Variants in CLASP1 observed in about 807,000 individuals in gnomAD.
CLASP1 encodes the protein cytoplasmic linker associated protein 1, also known as CLIP-associating protein 1.
Under a neutral mutation model 192.3 loss-of-function variants are expected in CLASP1, and 38 were observed. The ratio of observed to expected loss-of-function variants is 0.20; its 90% CI spans 0.15 to 0.26. The LOEUF (loss-of-function observed/expected upper bound fraction) is 0.26, where lower values mean the gene tolerates loss of function less well. Among genes scored for constraint, CLASP1 ranks in the 10% least tolerant of loss-of-function variants. CLASP1 has a pLI of 1.00. For synonymous variants in CLASP1, 691 were observed against 712.8 expected (o/e 0.97, Z 0.49); for missense variants, 1,433 against 1,932.5 (o/e 0.74, Z 4.85).
intron 2 of CLASP1, among the ~76,000 whole-genome samples, chr2:121,536,377 T>TA (rs1559552495): frequency 1.3e-4 from 8 of 62,072 alleles, no homozygotes; most frequent in African/African-American, 9.4e-4. Flanking sequence ...CAAGACTGTC[T>TA]GAAAAAAAAA....
Position 121,504,310 on chromosome 2 carries a change from T to C in CLASP1, c.645-1076A>G, listed in dbSNP as rs549125094. On this transcript the variant is annotated intron_variant, in intron 7 of 39. Coordinates refer to ENST00000263710, the Ensembl canonical transcript of CLASP1. ...AGTGTTGAGATTCCAAAGCAATGTA[T>C]CTGTGCATTCAATTTTAGGGACATT... Among the ~76,000 whole-genome samples, 8 of 152,268 alleles carry C rather than the reference T, an allele frequency of 5.3e-5. No homozygotes were observed. In the East Asian group the frequency reaches 1.2e-3, roughly 22 times the overall value.
chr2:121,447,655 C>T, intron 18 of CLASP1, 148 bp from the exon 19 acceptor site: 1 of 695,690 alleles, frequency 1.4e-6, no homozygotes, highest in Non-Finnish European at 2.4e-6. Flanking sequence ...ACAGTTTCTC[C>T]TGGTCCCTGA....
At position 121,465,685 on chromosome 2, in the gene CLASP1, G is replaced by A. The variant is rs1194248993; in HGVS notation, c.866-3080C>T. Among the ~76,000 whole-genome samples the A allele has an allele frequency of 2.0e-5, 3 of 152,064 alleles. No homozygotes were observed. The East Asian group carries it at 5.8e-4, about 29-fold the overall frequency. ...GAAAAAACTACTTTAAAGTTCATAT[G>A]GAACCACAAAAGAGCCCGCATCGCC... On this transcript the variant is annotated intron_variant, in intron 9 of 39. Coordinates refer to ENST00000263710, the Ensembl canonical transcript of CLASP1.
chr2:121,490,207 T>G, intron 8 of CLASP1: 3 of 410,720 alleles, frequency 7.3e-6, no homozygotes, highest in Non-Finnish European at 1.4e-5. Context: ...TATAAAATAT[T>G]TAAGCATTTC....
chr2:121,384,148 A>C (rs889854671), intron 32 of CLASP1, among the ~76,000 whole-genome samples: 1 of 141,016 alleles, frequency 7.1e-6, no homozygotes, highest in Non-Finnish European at 1.5e-5. Flanking sequence ...ATATATATAC[A>C]CACACACACA....
intron 2 of CLASP1, chr2:121,530,785 C>T (rs2094768437): frequency 1.7e-6 from 1 of 586,086 alleles, no homozygotes; most frequent in African/African-American, 1.8e-5. Flanking sequence ...GGTAAGCTAG[C>T]TACCAGACCG....
chr2:121,645,224 A>G (rs555483491), intron 1 of CLASP1, among the ~76,000 whole-genome samples: 1 of 152,224 alleles, frequency 6.6e-6, no homozygotes, highest in Admixed American at 6.5e-5. Flanking sequence ...TAGAAGTGTG[A>G]TATCTGTCAT....
At chr2:121,343,521 G>A (rs2149091366) in intron 39 of CLASP1, among the ~76,000 whole-genome samples, 1 of 152,312 alleles carries the variant, frequency 6.6e-6, no homozygotes, top group East Asian at 1.9e-4. Flanking sequence ...GCTGCAACAT[G>A]GATAAGCCCT....
intron 1 of CLASP1, among the ~76,000 whole-genome samples, chr2:121,647,832 T>C (rs866818456): frequency 5.3e-5 from 8 of 152,224 alleles, no homozygotes; most frequent in Admixed American, 4.6e-4. Flanking sequence ...GTCCTGACTT[T>C]GGTTAACCTT....
chr2:121,349,216 G>C lies in CLASP1; in HGVS notation c.4207-498C>G, dbSNP rs1298075412. Among the ~76,000 whole-genome samples the C allele has an allele frequency of 2.0e-5, 3 of 151,920 alleles. No individual in the cohort carries two copies. The East Asian group carries it at 5.8e-4, about 29-fold the overall frequency. The stretch of plus-strand genomic sequence containing the variant: ...GATCGCGCCACCGCACTCCAGCCTG[G>C]GTGACAGTGCAAGACTCTGTCTCAA... On this transcript the variant is annotated intron_variant, in intron 37 of 39. Coordinates refer to ENST00000263710, the Ensembl canonical transcript of CLASP1.
intron 7 of CLASP1, among the ~76,000 whole-genome samples, chr2:121,514,565 G>A (rs901147860): frequency 6.6e-6 from 1 of 151,700 alleles, no homozygotes; most frequent in Non-Finnish European, 1.5e-5. Flanking sequence ...TAAAGAACAT[G>A]AAAAGTAGTT....
Position 121,625,685 on chromosome 2 carries a change from T to C in CLASP1, c.-285-19505A>G, listed in dbSNP as rs1576567819. Among the ~76,000 whole-genome samples, 18 of 151,836 alleles carry C rather than the reference T, an allele frequency of 1.2e-4. No individual in the cohort carries two copies. The South Asian group carries it at 3.8e-3, about 32-fold the overall frequency. On this transcript the variant is annotated intron_variant, in intron 1 of 39. Coordinates refer to ENST00000263710, the Ensembl canonical transcript of CLASP1. ...CTGACCTCAGGTGATCTGCCCGCCT[T>C]GGCCTCCCAAAGTGCTGGCATTACA...
intron 2 of CLASP1, among the ~76,000 whole-genome samples, chr2:121,546,955 T>G (rs1325852838): frequency 2.0e-5 from 3 of 152,134 alleles, no homozygotes; most frequent in African/African-American, 7.2e-5. Flanking sequence ...TGGCAACAGA[T>G]CTGTGCCTTC....
intron 8 of CLASP1, among the ~76,000 whole-genome samples, chr2:121,493,810 G>C (rs1035372085): frequency 4.6e-5 from 7 of 151,916 alleles, no homozygotes; most frequent in African/African-American, 1.5e-4. Flanking sequence ...TTTTTCGAAA[G>C]AAGACACACA....
chr2:121,405,168 G>A (rs2076727962), intron 25 of CLASP1, among the ~76,000 whole-genome samples: 1 of 152,128 alleles, frequency 6.6e-6, no homozygotes, highest in Admixed American at 6.5e-5. Context: ...AATTAGCCAG[G>A]CATGGTGGTG....
At chr2:121,567,401 A>G (rs1356769314) in intron 2 of CLASP1, among the ~76,000 whole-genome samples, 7 of 152,222 alleles carry the variant, frequency 4.6e-5, no homozygotes, top group Admixed American at 4.6e-4. Context: ...AGACTGCTCC[A>G]GCATTGCTCG....
In CLASP1 at chr2:121,599,151, C is replaced by T. The variant is rs191891154; in HGVS notation, c.195+6550G>A. On this transcript the variant is annotated intron_variant, in intron 2 of 39. Transcript: ENST00000263710. The stretch of plus-strand genomic sequence containing the variant: ...GTGCTGGGATTACAGGCGTGATTCA[C>T]TATACCTGGCCGTATTTTTTTTTAA... Among the ~76,000 whole-genome samples the T allele has an allele frequency of 2.1e-3, 327 of 152,134 alleles. 3 individuals are homozygous for T. The highest frequency in any genetic ancestry group is 7.3e-3 in the African/African-American group (302 of 41,534).
At chr2:121,432,834 T>C (rs2081661903) in intron 19 of CLASP1, among the ~76,000 whole-genome samples, 1 of 152,218 alleles carries the variant, frequency 6.6e-6, no homozygotes, top group East Asian at 1.9e-4. Context: ...GTTATCTAAA[T>C]AGAATAACAC....
In CLASP1 at chr2:121,427,384, C is replaced by T; in HGVS notation, c.2044+20G>A. 3 of 1,611,608 alleles carry T rather than the reference C, an allele frequency of 1.9e-6. No individual in the cohort carries two copies. In the South Asian group the frequency reaches 3.3e-5, roughly 18 times the overall value. ...CAACAACAACAACAACAAAAAAAGGCAAGAAGAGAAATGGCTTACCACCAG... is the reference window on the plus strand; with the variant it reads ...CAACAACAACAACAACAAAAAAAGGTAAGAAGAGAAATGGCTTACCACCAG... On this transcript the variant is annotated intron_variant, in intron 21 of 39. Coordinates refer to ENST00000263710, the Ensembl canonical transcript of CLASP1.
Sources: allele counts gnomAD v4.1 joint callset (sites outside exome capture counted in the v4.1 genomes callset), GRCh38; gene constraint gnomAD v4.1.1; transcripts MANE v1.5; gene names NCBI Gene and HGNC (gene_info 2026-07-23, HGNC 2026-07-21).